Variants in SBF2 observed in about 807,000 individuals in gnomAD.
The protein encoded by SBF2 is SET binding factor 2.
In SBF2, 112 loss-of-function variants were observed where a neutral mutation model predicts 225.2. That is an observed-to-expected ratio of 0.50 (90% CI 0.43 to 0.58). The LOEUF (loss-of-function observed/expected upper bound fraction) is 0.58, where lower values mean the gene tolerates loss of function less well. Among genes scored for constraint, SBF2 ranks in the 20% least tolerant of loss-of-function variants. The pLI, the probability that SBF2 is intolerant of heterozygous loss-of-function variation, is 0.00. For missense variants in SBF2, 1,996 were observed against 2,206.2 expected, an observed-to-expected ratio of 0.90 and a Z score of 1.91; for synonymous variants, 763 against 773.3, an observed-to-expected ratio of 0.99 and a Z score of 0.22.
At chr11:10,021,637 CA>C (rs1195259619) in intron 6 of SBF2, among the ~76,000 whole-genome samples, 1 of 152,102 alleles carries the variant, frequency 6.6e-6, no homozygotes, top group African/African-American at 2.4e-5. Context: ...GAGAGAAGAA[CA>C]AAGGAAATGC....
At chr11:10,265,877 G>A (rs1018495783) in intron 1 of SBF2, among the ~76,000 whole-genome samples, 4 of 145,678 alleles carry the variant, frequency 2.7e-5, no homozygotes, top group Non-Finnish European at 5.9e-5. Flanking sequence ...GTGTGTGTGC[G>A]CGCGCGCATG....
intron 2 of SBF2, among the ~76,000 whole-genome samples, chr11:10,155,903 C>T (rs1270566201): frequency 6.6e-6 from 1 of 152,188 alleles, no homozygotes; most frequent in Non-Finnish European, 1.5e-5. Context: ...TTTGGAGGAG[C>T]CCCTGTGGGG....
At chr11:10,228,644 C>T (rs1214736263) in intron 1 of SBF2, among the ~76,000 whole-genome samples, 1 of 152,162 alleles carries the variant, frequency 6.6e-6, no homozygotes, top group African/African-American at 2.4e-5. Context: ...GCATGTTGAA[C>T]CAGCCTTGTA....
rs117467506 is a variant in SBF2, at chr11:9,789,385, G to A, written c.4699-43C>T. On this transcript the variant is annotated intron_variant, in intron 34 of 39. Transcript: ENST00000256190. ...AATATAGTTTCATCTTGACCCCAAAGTACCCCAAGCTCACTGTCAGGCAAA... is the reference window on the plus strand; with the variant it reads ...AATATAGTTTCATCTTGACCCCAAAATACCCCAAGCTCACTGTCAGGCAAA... The A allele has an allele frequency of 2.9e-3, 4,377 of 1,487,686 alleles. 14 individuals carry two copies. The highest frequency in any genetic ancestry group is 0.013 in the Middle Eastern group (74 of 5,838). 92.2% of individuals were successfully genotyped at this position (1,487,686 alleles called of 1,614,324 possible). A position where few individuals can be genotyped will look rare whatever the true frequency, so the allele number is the denominator to read the frequency against.
At chr11:10,019,214 G>T (rs1281165835) in intron 6 of SBF2, among the ~76,000 whole-genome samples, 1 of 152,034 alleles carries the variant, frequency 6.6e-6, no homozygotes, top group Non-Finnish European at 1.5e-5. Context: ...TAAGCAGAAG[G>T]GCATTACGGG....
rs80209164 is a variant in SBF2 at position 9,848,082 on chromosome 11, G to A, written c.2807-999C>T. 5.9e-3 allele frequency among the ~76,000 whole-genome samples: 897 copies of A among 151,776 alleles called. 2 individuals carry two copies. The highest frequency in any genetic ancestry group is 0.015 in the South Asian group (74 of 4,790). On this transcript the variant is annotated intron_variant, in intron 22 of 39. Transcript: ENST00000256190. ...ATGAACAAGGCCTCCCAGCTAGTAA[G>A]CCAGGGTGGGGAGGGGGTGGGGAGA...
chr11:10,156,011 T>C (rs1402727556), intron 2 of SBF2, among the ~76,000 whole-genome samples: 1 of 152,130 alleles, frequency 6.6e-6, no homozygotes, highest in Non-Finnish European at 1.5e-5. Flanking sequence ...CCAAGTCCCG[T>C]GCTACCAGGC....
chr11:10,208,208 C>T (rs1278558139), intron 1 of SBF2, among the ~76,000 whole-genome samples: 6 of 151,848 alleles, frequency 4.0e-5, no homozygotes, highest in South Asian at 4.2e-4. Flanking sequence ...ACTTCAGGCA[C>T]GGTAAACCAA....
At chr11:9,896,413 T>C (rs555082040) in intron 16 of SBF2, among the ~76,000 whole-genome samples, 2 of 152,312 alleles carry the variant, frequency 1.3e-5, no homozygotes, top group South Asian at 2.1e-4. Flanking sequence ...GATACATTTT[T>C]TTGCACATTT....
At chr11:10,047,877 A>G (rs1441127976) in intron 2 of SBF2, among the ~76,000 whole-genome samples, 2 of 152,200 alleles carry the variant, frequency 1.3e-5, no homozygotes, top group African/African-American at 4.8e-5. Flanking sequence ...CATTTATTCT[A>G]TGAAGTCTTC....
chr11:10,242,699 C>T (rs1373736850), intron 1 of SBF2, among the ~76,000 whole-genome samples: 1 of 151,986 alleles, frequency 6.6e-6, no homozygotes, highest in African/African-American at 2.4e-5. Context: ...ACTGTAGTTA[C>T]ATCAGACAAA....
chr11:10,261,892 T>C (rs1961471121), intron 1 of SBF2, among the ~76,000 whole-genome samples: 1 of 152,188 alleles, frequency 6.6e-6, no homozygotes, highest in African/African-American at 2.4e-5. Flanking sequence ...TATGATTCCA[T>C]TTCTATGATG....
chr11:9,868,722 C>A (rs1858458044), intron 17 of SBF2, among the ~76,000 whole-genome samples: 1 of 152,138 alleles, frequency 6.6e-6, no homozygotes, highest in Non-Finnish European at 1.5e-5. Flanking sequence ...GATCATTTGT[C>A]CTAGAAAGTT....
At position 9,909,295 on chromosome 11, in the gene SBF2, G is replaced by A. The variant is rs112281848; in HGVS notation, c.1861-13284C>T. On this transcript the variant is annotated intron_variant, in intron 16 of 39. Transcript: ENST00000256190. ...TTTTGTTTTCTATTCTGTTGGTTTTGTATTTACCCCCATACTTTCTCTCTT... is the reference window on the plus strand; with the variant it reads ...TTTTGTTTTCTATTCTGTTGGTTTTATATTTACCCCCATACTTTCTCTCTT... Among the ~76,000 whole-genome samples the A allele has an allele frequency of 5.6e-3, 854 of 151,222 alleles. 12 individuals are homozygous for A. Among genetic ancestry groups the A allele is most frequent in the African/African-American group, 0.019 (774 of 41,370 alleles).
At position 9,781,517 on chromosome 11, in the gene SBF2, G is replaced by A; in HGVS notation, c.5441C>T (p.Ala1814Val). 1.2e-6 allele frequency: 2 copies of A among 1,614,208 alleles called. No homozygotes were observed. The highest frequency in any genetic ancestry group is 1.7e-6 in the Non-Finnish European group (2 of 1,180,034). Residue 1814 changes from alanine (A) to valine (V), a missense_variant, in exon 39 of 40, where the codon GCT (alanine) becomes GTT (valine). Physicochemically the swap from Ala to Val is moderately conservative, Grantham distance 64. Coordinates refer to ENST00000256190, the MANE Select transcript of SBF2 (RefSeq NM_030962.4). ...GTAAGATCAACTTACATCAAAGAAAGCCTTGTCACTTGTGTGCTTTGGGGC... is the reference window on the plus strand; with the variant it reads ...GTAAGATCAACTTACATCAAAGAAAACCTTGTCACTTGTGTGCTTTGGGGC... Reference protein sequence around the residue: ...MGAPKHTSDKAFFDLKTSKRV... With the variant: ...MGAPKHTSDKVFFDLKTSKRV...
rs958951565 is a variant in SBF2, at chr11:10,123,204, T to C, written c.141+70698A>G. Among the ~76,000 whole-genome samples, 9 of 152,234 alleles carry C rather than the reference T, an allele frequency of 5.9e-5. No homozygotes were observed. The East Asian group carries it at 1.7e-3, about 29-fold the overall frequency. On this transcript the variant is annotated intron_variant, in intron 2 of 39. Transcript: ENST00000256190. ...ACCGAAATGAATCCATGTATGCTCATCTTTGAAAGAGAAAGTCAGGGAGGA... is the reference window on the plus strand; with the variant it reads ...ACCGAAATGAATCCATGTATGCTCACCTTTGAAAGAGAAAGTCAGGGAGGA...
At chr11:10,033,745 G>A (rs1313446198) in intron 3 of SBF2, among the ~76,000 whole-genome samples, 2 of 151,890 alleles carry the variant, frequency 1.3e-5, no homozygotes. Flanking sequence ...GAATGGTAAT[G>A]TGACATTTTT....
intron 2 of SBF2, among the ~76,000 whole-genome samples, chr11:10,184,414 A>T (rs1441684483): frequency 6.6e-6 from 1 of 152,182 alleles, no homozygotes; most frequent in East Asian, 1.9e-4. Flanking sequence ...TATTCATTTC[A>T]GTACATAAAG....
chr11:10,120,141 A>T (rs1953367423), intron 2 of SBF2, among the ~76,000 whole-genome samples: 1 of 152,140 alleles, frequency 6.6e-6, no homozygotes, highest in African/African-American at 2.4e-5. Context: ...TGATTCTATG[A>T]GTTTGACTAC....
Sources: gnomAD v4.1 joint callset for allele counts (sites outside exome capture counted in the v4.1 genomes callset) on GRCh38, gnomAD v4.1.1 for gene constraint, MANE v1.5 for transcripts, NCBI Gene and HGNC (gene_info 2026-07-23, HGNC 2026-07-21) for gene names.